Variants in PPP5C observed in about 807,000 individuals in gnomAD.
PPP5C encodes the protein protein phosphatase 5 catalytic subunit.
In PPP5C, 21 loss-of-function variants were observed where a neutral mutation model predicts 66.7. The ratio of observed to expected loss-of-function variants is 0.31; its 90% CI spans 0.22 to 0.45. PPP5C has a LOEUF of 0.45. PPP5C is among the 20% of genes least tolerant of loss of function. PPP5C has a pLI of 1.00. For missense variants in PPP5C, 464 were observed against 675.9 expected, an observed-to-expected ratio of 0.69 and a Z score of 3.48; for synonymous variants, 246 against 257.4, an observed-to-expected ratio of 0.96 and a Z score of 0.43.
intron 2 of PPP5C, among the ~76,000 whole-genome samples, chr19:46,358,880 C>T (rs1007871080): frequency 4.5e-4 from 68 of 152,150 alleles, no homozygotes; most frequent in African/African-American, 1.1e-3. Flanking sequence ...TGGACTCTTA[C>T]TCTTGAGTCC....
chr19:46,386,760 G>C, intron 7 of PPP5C: 1 of 337,822 alleles, frequency 3.0e-6, no homozygotes, highest in Non-Finnish European at 5.7e-6. Context: ...CTATAGGCAC[G>C]CACCACCATG....
intron 2 of PPP5C, among the ~76,000 whole-genome samples, chr19:46,365,234 C>G (rs10405383): frequency 2.6e-5 from 4 of 152,166 alleles, no homozygotes; most frequent in Admixed American, 2.0e-4. Context: ...CTGCCCACCT[C>G]GGCCTCCCAA....
intron 1 of PPP5C, 129 bp downstream of exon 1, chr19:46,347,346 G>A (rs2057195373): frequency 7.2e-7 from 1 of 1,380,250 alleles, no homozygotes; most frequent in Non-Finnish European, 9.5e-7. Context: ...CGGGCGTGGG[G>A]AGGCCCAGGA....
chr19:46,352,242 C>T (rs1972199591), intron 1 of PPP5C, among the ~76,000 whole-genome samples: 1 of 152,216 alleles, frequency 6.6e-6, no homozygotes, highest in African/African-American at 2.4e-5. Context: ...GAGGGCAGGG[C>T]TGTGTGTAAG....
At position 46,353,879 on chromosome 19, in the gene PPP5C, G is replaced by A; in HGVS notation, c.253G>A (p.Ala85Thr). The change falls in exon 2 of 13, where the codon GCC (alanine) becomes ACC (threonine). Residue 85 changes from alanine (A) to threonine (T), a missense_variant. Coordinates refer to ENST00000012443, the MANE Select transcript of PPP5C (RefSeq NM_006247.4). ...TECYGYALGD[A>T]TRAIELDKKY... is the part of the protein sequence containing the mutation. ...GTGCTATGGCTACGCGCTGGGAGAC[G>A]CCACGCGGGCCATTGAGCTGGACAA... The A allele has an allele frequency of 6.2e-7, 1 of 1,606,184 alleles. No homozygotes were observed. Among genetic ancestry groups the A allele is most frequent in the Non-Finnish European group, 8.5e-7 (1 of 1,176,662 alleles).
At chr19:46,366,989 T>C (rs1008627367) in intron 2 of PPP5C, among the ~76,000 whole-genome samples, 3 of 152,184 alleles carry the variant, frequency 2.0e-5, no homozygotes, top group Non-Finnish European at 2.9e-5. Context: ...TGGATCTAGG[T>C]CGTAGGCAGC....
At chr19:46,358,199 C>T (rs1432748606) in intron 2 of PPP5C, among the ~76,000 whole-genome samples, 2 of 152,206 alleles carry the variant, frequency 1.3e-5, no homozygotes, top group East Asian at 3.8e-4. Flanking sequence ...CCGTGGTCTT[C>T]AAACACAGTT....
chr19:46,353,824 C>T lies in PPP5C; in HGVS notation c.198C>T (p.Gly66=), dbSNP rs1972235358. ...ACCCCAGCAATGCCATCTACTATGG[C>T]AACCGCAGCCTGGCCTACCTGCGCA... ...ELNPSNAIYY[G]NRSLAYLRTE... is the part of the protein sequence containing the mutation. The change falls in exon 2 of 13, where the codon GGC becomes GGT. Residue 66 remains glycine, a synonymous_variant. Transcript: ENST00000012443. 6.2e-7 allele frequency: 1 copy of T among 1,613,372 alleles called. No homozygotes were observed. The highest frequency in any genetic ancestry group is 8.5e-7 in the Non-Finnish European group (1 of 1,179,764).
intron 2 of PPP5C, among the ~76,000 whole-genome samples, chr19:46,359,880 A>C (rs945441092): frequency 6.6e-6 from 1 of 150,572 alleles, no homozygotes; most frequent in Non-Finnish European, 1.5e-5. Context: ...CCTGGGTTCA[A>C]GTGATTCTCC....
At chr19:46,354,106 C>A in intron 2 of PPP5C, 117 bp downstream of exon 2, 1 of 1,423,872 alleles carries the variant, frequency 7.0e-7, no homozygotes. Flanking sequence ...AGCCAGCCAG[C>A]AAGTGCCTGT....
At chr19:46,371,393 G>A (rs1483408765) in intron 2 of PPP5C, among the ~76,000 whole-genome samples, 2 of 152,158 alleles carry the variant, frequency 1.3e-5, no homozygotes, top group Admixed American at 6.5e-5. Context: ...TCCAGCGCTC[G>A]CCAGGGCCCA....
rs1021577994 is a variant in PPP5C at position 46,386,937 on chromosome 19, C to T, written c.905-156C>T. ...GACCTACTTTTTGTCAAGATTCCCC[C>T]CTTGGTACCTCCAGTCTGGAAGGCA... is the stretch of plus-strand genomic sequence containing the variant. On this transcript the variant is annotated intron_variant, in intron 7 of 12. Transcript: ENST00000012443. The T allele has an allele frequency of 3.0e-6, 3 of 1,013,096 alleles. No homozygotes were observed. The South Asian group carries it at 4.7e-5, about 16-fold the overall frequency. 62.8% of individuals were successfully genotyped at this position (1,013,096 alleles called of 1,614,324 possible).
chr19:46,387,721 G>T, intron 9 of PPP5C: 1 of 1,384,070 alleles, frequency 7.2e-7, no homozygotes, highest in Admixed American at 2.6e-5. Flanking sequence ...GTTCAGCTGT[G>T]GAACCCTGGA....
chr19:46,352,858 T>A (rs1488922308), intron 1 of PPP5C, among the ~76,000 whole-genome samples: 1 of 151,296 alleles, frequency 6.6e-6, no homozygotes, highest in Admixed American at 6.6e-5. Flanking sequence ...TGTCACCTGC[T>A]GTGTGACCTT....
intron 1 of PPP5C, among the ~76,000 whole-genome samples, chr19:46,351,813 G>A (rs1409661887): frequency 2.6e-5 from 4 of 152,372 alleles, no homozygotes; most frequent in South Asian, 2.1e-4. Flanking sequence ...CAACAGTGAC[G>A]ATGAGAGTGG....
chr19:46,389,367 ACACACACACACACACAC>A (rs1972957790), intron 11 of PPP5C, among the ~76,000 whole-genome samples: 26 of 2,174 alleles, frequency 0.012, no homozygotes, highest in Admixed American at 0.018. Context: ...CTCAAAACAC[ACACACACACACACACAC>A]ACACACACAC....
intron 1 of PPP5C, among the ~76,000 whole-genome samples, chr19:46,348,198 G>A (rs1416797354): frequency 6.6e-6 from 1 of 152,090 alleles, no homozygotes; most frequent in Non-Finnish European, 1.5e-5. Flanking sequence ...AAGGGTACTG[G>A]CATGGCTGGG....
intron 2 of PPP5C, among the ~76,000 whole-genome samples, chr19:46,363,441 T>C (rs893370168): frequency 3.3e-5 from 5 of 150,362 alleles, no homozygotes; most frequent in African/African-American, 1.2e-4. Flanking sequence ...CTTTATTTTT[T>C]TCTTTTTCAG....
rs1398848805 is a variant in PPP5C, at chr19:46,383,218, G to A, written c.634-193G>A. The A allele has an allele frequency of 6.5e-7, 1 of 1,535,770 alleles. No homozygotes were observed. Among genetic ancestry groups the A allele is most frequent in the Admixed American group, 2.0e-5 (1 of 50,898 alleles). On this transcript the variant is annotated intron_variant, in intron 4 of 12. Coordinates refer to ENST00000012443, the MANE Select transcript of PPP5C (RefSeq NM_006247.4). This position sits in a 1 kb window ranked among gnomAD's most constrained non-coding sequence, Gnocchi z 5.0. ...AATCGCAATGCTTCGGCACTGCACA[G>A]GCCACAGAAGCCTGCGGCTGCCTCC...
Sources: gnomAD v4.1 joint callset for allele counts (sites outside exome capture counted in the v4.1 genomes callset) on GRCh38, gnomAD v4.1.1 for gene constraint, Gnocchi (gnomAD v3.1) non-coding constraint, MANE v1.5 for transcripts, NCBI Gene and HGNC (gene_info 2026-07-23, HGNC 2026-07-21) for gene names.